NDFIP1: variants seen among roughly 807,000 people sequenced by gnomAD.
NDFIP1 encodes NEDD4 family-interacting protein 1.
NDFIP1 carries 7 observed loss-of-function variants against 28.8 expected under a neutral mutation model. That is an observed-to-expected ratio of 0.24 (90% CI 0.14 to 0.46). The LOEUF (loss-of-function observed/expected upper bound fraction) is 0.46. Among genes scored for constraint, NDFIP1 ranks in the 20% least tolerant of loss-of-function variants. The probability of loss-of-function intolerance (pLI) is 0.99; values close to 1 mark genes in which losing one functional copy is unlikely to be tolerated. For missense variants in NDFIP1, 194 were observed against 269.1 expected (o/e 0.72, Z 1.95); for synonymous variants, 92 against 101.0 (o/e 0.91, Z 0.53).
intron 1 of NDFIP1, among the ~76,000 whole-genome samples, chr5:142,115,638 C>T (rs956458509): frequency 6.6e-6 from 1 of 152,140 alleles, no homozygotes; most frequent in African/African-American, 2.4e-5. Context: ...TACTTCTGTT[C>T]CATTCATACT....
intron 1 of NDFIP1, among the ~76,000 whole-genome samples, chr5:142,123,076 C>T (rs1307384852): frequency 6.6e-6 from 1 of 151,980 alleles, no homozygotes; most frequent in Non-Finnish European, 1.5e-5. Flanking sequence ...GATTCTCGTG[C>T]CTCAGCCTCC....
chr5:142,148,500 C>T (rs1422906212), intron 7 of NDFIP1, among the ~76,000 whole-genome samples: 1 of 152,060 alleles, frequency 6.6e-6, no homozygotes, highest in Non-Finnish European at 1.5e-5. Flanking sequence ...CCTGTAATCC[C>T]AGCACTTTGG....
intron 1 of NDFIP1, among the ~76,000 whole-genome samples, chr5:142,112,059 T>A (rs1757019369): frequency 6.7e-6 from 1 of 149,904 alleles, no homozygotes; most frequent in Non-Finnish European, 1.5e-5. Context: ...AGAGTGGGAC[T>A]GTCTCAAAAA....
chr5:142,112,339 C>G (rs966594944), intron 1 of NDFIP1, among the ~76,000 whole-genome samples: 1 of 151,304 alleles, frequency 6.6e-6, no homozygotes, highest in Non-Finnish European at 1.5e-5. Flanking sequence ...GAACTGAGAT[C>G]GTGCCACTGC....
Position 142,154,000 on chromosome 5 carries a change from T to C in NDFIP1, c.*2272T>C, listed in dbSNP as rs1180434950. On this transcript the variant is annotated 3_prime_UTR_variant, in exon 8 of 8. Coordinates refer to ENST00000253814, the MANE Select transcript of NDFIP1 (RefSeq NM_030571.4). ...TGATTTCTCTTTAATCGTTTAAATG[T>C]TCTGAAAATTAAAATCTTTTGAGGC... 1 of 152,484 alleles carries C rather than the reference T, an allele frequency of 6.6e-6. No individual in the cohort carries two copies. Among genetic ancestry groups the C allele is most frequent in the Non-Finnish European group, 1.5e-5 (1 of 68,118 alleles). 9.4% of individuals were successfully genotyped at this position (152,484 alleles called of 1,614,324 possible). A position where few individuals can be genotyped will look rare whatever the true frequency, so the allele number is the denominator to read the frequency against.
At chr5:142,124,273 A>T (rs761275509) in intron 1 of NDFIP1, among the ~76,000 whole-genome samples, 3 of 152,190 alleles carry the variant, frequency 2.0e-5, no homozygotes, top group Non-Finnish European at 4.4e-5. Context: ...CTACTACCAT[A>T]ACCATGGTTG....
intron 7 of NDFIP1, among the ~76,000 whole-genome samples, chr5:142,150,721 C>CA (rs11301868): frequency 0.29 from 38,370 of 133,650 alleles, 6,341 homozygotes; most frequent in Non-Finnish European, 0.39. Flanking sequence ...CTCTTGTCTC[C>CA]AAAAAAAAAA....
intron 4 of NDFIP1, 83 bp downstream of exon 4, chr5:142,135,900 C>A: frequency 1.1e-6 from 1 of 926,104 alleles, no homozygotes; most frequent in Non-Finnish European, 1.7e-6. Context: ...ATTAAAATAA[C>A]TAGTTGAGCT....
intron 3 of NDFIP1, among the ~76,000 whole-genome samples, chr5:142,135,448 GTTTTTGAAGTGTATTAAA>G (rs1334049263): frequency 6.6e-6 from 1 of 152,114 alleles, no homozygotes; most frequent in African/African-American, 2.4e-5. Flanking sequence ...GAAGTGTATT[GTTTTTGAAGTGTATTAAA>G]TTTTTGAAGT....
At chr5:142,145,893 T>C (rs1251366634) in intron 7 of NDFIP1, among the ~76,000 whole-genome samples, 2 of 152,198 alleles carry the variant, frequency 1.3e-5, no homozygotes, top group Admixed American at 6.5e-5. Context: ...GGCAATCATA[T>C]ACTAATCGTG....
chr5:142,115,578 C>G (rs1757058973), intron 1 of NDFIP1, among the ~76,000 whole-genome samples: 1 of 152,154 alleles, frequency 6.6e-6, no homozygotes, highest in South Asian at 2.1e-4. Context: ...AGCCACTGCG[C>G]CCGGCCTATA....
At chr5:142,140,195 T>TC (rs1757313422) in intron 5 of NDFIP1, among the ~76,000 whole-genome samples, 1 of 152,180 alleles carries the variant, frequency 6.6e-6, no homozygotes, top group Non-Finnish European at 1.5e-5. Flanking sequence ...ACGCCTGTAA[T>TC]CCCAGCACTT....
chr5:142,141,168 C>CTT (rs1161113130), intron 6 of NDFIP1, among the ~76,000 whole-genome samples: 1,517 of 59,924 alleles, frequency 0.025, 232 homozygotes, highest in African/African-American at 0.048. Flanking sequence ...GGCAAGAGGA[C>CTT]TTTTTTTTTT....
chr5:142,116,350 CTT>C (rs745647587), intron 1 of NDFIP1, among the ~76,000 whole-genome samples: 38 of 60,714 alleles, frequency 6.3e-4, no homozygotes, highest in East Asian at 4.8e-3. Context: ...TTCCTTCCTT[CTT>C]TCTCTCTCTC....
chr5:142,124,887 G>A (rs929162307), intron 1 of NDFIP1, among the ~76,000 whole-genome samples: 15 of 151,766 alleles, frequency 9.9e-5, no homozygotes, highest in South Asian at 2.1e-4. Context: ...GTGCAGTGGC[G>A]CAATCTCGGC....
intron 7 of NDFIP1, among the ~76,000 whole-genome samples, chr5:142,148,747 T>C (rs1757416127): frequency 3.2e-5 from 2 of 63,078 alleles, no homozygotes. Context: ...CGAGACTCTG[T>C]CTCAAAAAAA....
chr5:142,140,538 T>C (rs370054701), intron 5 of NDFIP1, 25 bp from the exon 6 acceptor site: 12 of 1,588,658 alleles, frequency 7.6e-6, no homozygotes, highest in Non-Finnish European at 1.0e-5. Context: ...TAAGCTGCTA[T>C]AAAGTGTTTT....
chr5:142,113,891 T>A (rs1757039412), intron 1 of NDFIP1, among the ~76,000 whole-genome samples: 1 of 152,248 alleles, frequency 6.6e-6, no homozygotes. Flanking sequence ...ATTTCCTGCC[T>A]CTTTAAGGCT....
chr5:142,110,628 T>G (rs1757004341), intron 1 of NDFIP1, among the ~76,000 whole-genome samples: 1 of 152,060 alleles, frequency 6.6e-6, no homozygotes, highest in Non-Finnish European at 1.5e-5. Context: ...AAAAAAATCT[T>G]CCTAGAAAAA....
Sources: gnomAD v4.1 joint callset for allele counts (sites outside exome capture counted in the v4.1 genomes callset) on GRCh38, gnomAD v4.1.1 for gene constraint, MANE v1.5 for transcripts, NCBI Gene and HGNC (gene_info 2026-07-23, HGNC 2026-07-21) for gene names.